DLG2: variants seen among roughly 807,000 people sequenced by gnomAD.
The protein encoded by DLG2 is discs large MAGUK scaffold protein 2, also known as disks large homolog 2.
In DLG2, 45 loss-of-function variants were observed where a neutral mutation model predicts 132.5. The ratio of observed to expected loss-of-function variants is 0.34; its 90% CI spans 0.27 to 0.44. DLG2 has a LOEUF of 0.44. Among genes scored for constraint, DLG2 ranks in the 20% least tolerant of loss-of-function variants. The pLI, the probability that DLG2 is intolerant of heterozygous loss-of-function variation, is 1.00. For missense variants in DLG2, 1,045 were observed against 1,196.9 expected, an observed-to-expected ratio of 0.87 and a Z score of 1.87; for synonymous variants, 424 against 419.6, an observed-to-expected ratio of 1.01 and a Z score of -0.13.
At chr11:85,206,084 A>G (rs962833226) in intron 4 of DLG2, among the ~76,000 whole-genome samples, 1 of 152,038 alleles carries the variant, frequency 6.6e-6, no homozygotes, top group Admixed American at 6.6e-5. Flanking sequence ...CCTCAAGATA[A>G]TGAGTTCTCA....
intron 3 of DLG2, among the ~76,000 whole-genome samples, chr11:85,425,263 G>C (rs188655534): frequency 5.9e-5 from 9 of 151,874 alleles, no homozygotes; most frequent in Non-Finnish European, 8.8e-5. Flanking sequence ...ATACAAAAAA[G>C]AATGCAACAG....
At chr11:85,053,584 C>T (rs1174084136) in intron 6 of DLG2, among the ~76,000 whole-genome samples, 1 of 144,868 alleles carries the variant, frequency 6.9e-6, no homozygotes, top group East Asian at 2.0e-4. Flanking sequence ...GTCAGGAGAT[C>T]GAGACCATCC....
chr11:84,210,709 C>A (rs1018239170), intron 8 of DLG2, among the ~76,000 whole-genome samples: 5 of 151,954 alleles, frequency 3.3e-5, no homozygotes, highest in Admixed American at 6.6e-5. Context: ...ATGAATGAAT[C>A]TTAAAAAACA....
chr11:85,481,290 AG>A (rs532226921), intron 3 of DLG2, among the ~76,000 whole-genome samples: 27 of 152,342 alleles, frequency 1.8e-4, no homozygotes, highest in African/African-American at 5.8e-4. Flanking sequence ...AGTATCAGCA[AG>A]ATGGCAGAAT....
At chr11:84,649,562 T>C (rs2099679045) in intron 6 of DLG2, among the ~76,000 whole-genome samples, 1 of 152,226 alleles carries the variant, frequency 6.6e-6, no homozygotes, top group Non-Finnish European at 1.5e-5. Flanking sequence ...ATAGTGGCTA[T>C]GATTTGTGTG....
intron 9 of DLG2, among the ~76,000 whole-genome samples, chr11:84,103,665 T>C (rs990219918): frequency 2.6e-5 from 4 of 152,080 alleles, no homozygotes; most frequent in African/African-American, 7.2e-5. Context: ...CAAATGACAC[T>C]TCTTGTTTCA....
intron 3 of DLG2, among the ~76,000 whole-genome samples, chr11:85,437,328 A>C (rs2091542435): frequency 6.6e-6 from 1 of 152,070 alleles, no homozygotes; most frequent in African/African-American, 2.4e-5. Flanking sequence ...AAAAACAAAA[A>C]AAAAGAGAAG....
intron 6 of DLG2, among the ~76,000 whole-genome samples, chr11:84,540,515 T>C (rs1427946947): frequency 2.0e-5 from 3 of 152,112 alleles, no homozygotes; most frequent in African/African-American, 7.2e-5. Flanking sequence ...TCAGTTAGAA[T>C]GGCGATCATT....
chr11:83,461,585 G>T (rs1354130701), intron 27 of DLG2: 1 of 156,426 alleles, frequency 6.4e-6, no homozygotes, highest in Non-Finnish European at 1.4e-5. Flanking sequence ...CATGGAGCTG[G>T]GGACGGACGC....
rs1438533145 is a variant in DLG2 at position 84,099,873 on chromosome 11, AGC to A, written c.625-828_625-827del. ...TATCTAAAGAGATATATATATCTAAAGCGATATATATATATCTAAAGAGATAT... is the reference window on the plus strand; with the variant it reads ...TATCTAAAGAGATATATATATCTAAAGATATATATATATCTAAAGAGATAT... On this transcript the variant is annotated intron_variant, in intron 9 of 27. Coordinates refer to ENST00000376104, the MANE Select transcript of DLG2 (RefSeq NM_001142699.3). Among the ~76,000 whole-genome samples the A allele has an allele frequency of 4.9e-4, 4 of 8,156 alleles. 1 individual carries two copies. Among genetic ancestry groups the A allele is most frequent in the African/African-American group, 6.6e-4 (2 of 3,052 alleles). 5.4% of individuals were successfully genotyped at this position (8,156 alleles called of 152,430 possible). A position where few individuals can be genotyped will look rare whatever the true frequency, so the allele number is the denominator to read the frequency against.
chr11:84,727,424 G>A (rs1319756404), intron 6 of DLG2, among the ~76,000 whole-genome samples: 1 of 152,088 alleles, frequency 6.6e-6, no homozygotes, highest in Non-Finnish European at 1.5e-5. Flanking sequence ...TGTTATGTCT[G>A]AGGCCTCTGT....
intron 15 of DLG2, among the ~76,000 whole-genome samples, chr11:83,915,616 T>C (rs1354881926): frequency 6.6e-6 from 1 of 152,158 alleles, no homozygotes; most frequent in East Asian, 1.9e-4. Context: ...TTTTTAAAAT[T>C]ATTTTTTATT....
chr11:83,671,964 T>C (rs2076897236), intron 18 of DLG2, among the ~76,000 whole-genome samples: 1 of 152,100 alleles, frequency 6.6e-6, no homozygotes, highest in South Asian at 2.1e-4. Context: ...GTGTTTCCCC[T>C]ATGTCTCTTT....
chr11:85,281,502 A>G (rs1028118298), intron 4 of DLG2, among the ~76,000 whole-genome samples: 1 of 152,028 alleles, frequency 6.6e-6, no homozygotes, highest in African/African-American at 2.4e-5. Flanking sequence ...GCAAAAGTAA[A>G]ATATTTCTAA....
intron 7 of DLG2, among the ~76,000 whole-genome samples, chr11:84,510,946 C>G (rs2099255520): frequency 6.6e-6 from 1 of 151,984 alleles, no homozygotes. Flanking sequence ...GGCTCCAAAG[C>G]CGAAAGAGGA....
At chr11:83,484,684 T>TATCA (rs1224736455) in intron 21 of DLG2, among the ~76,000 whole-genome samples, 1 of 152,168 alleles carries the variant, frequency 6.6e-6, no homozygotes, top group African/African-American at 2.4e-5. Flanking sequence ...ACAAATGTCT[T>TATCA]ATCACCATCA....
At chr11:84,931,834 C>T (rs745765639) in intron 6 of DLG2, among the ~76,000 whole-genome samples, 8 of 152,180 alleles carry the variant, frequency 5.3e-5, no homozygotes, top group Non-Finnish European at 8.8e-5. Context: ...GATGGTATCT[C>T]TTTGTGGTTT....
chr11:85,075,804 C>T (rs2066462305), intron 6 of DLG2, among the ~76,000 whole-genome samples: 1 of 151,874 alleles, frequency 6.6e-6, no homozygotes, highest in African/African-American at 2.4e-5. Flanking sequence ...TGGAAGAACA[C>T]ATGCCAACTG....
intron 6 of DLG2, among the ~76,000 whole-genome samples, chr11:84,720,056 T>G (rs1293571422): frequency 6.6e-6 from 1 of 152,108 alleles, no homozygotes; most frequent in Non-Finnish European, 1.5e-5. Flanking sequence ...GCATCTGCTC[T>G]TGTAGCCTCT....
Sources: allele counts gnomAD v4.1 joint callset (sites outside exome capture counted in the v4.1 genomes callset), GRCh38; gene constraint gnomAD v4.1.1; transcripts MANE v1.5; gene names NCBI Gene and HGNC (gene_info 2026-07-23, HGNC 2026-07-21).